PRR5L: variants seen among roughly 807,000 people sequenced by gnomAD.
The protein encoded by PRR5L is proline-rich protein 5-like.
A neutral mutation model predicts 36.4 loss-of-function variants in PRR5L; 21 were observed. That is an observed-to-expected ratio of 0.58 (90% CI 0.41 to 0.83). The LOEUF (loss-of-function observed/expected upper bound fraction) is 0.83, where lower values mean the gene tolerates loss of function less well. Among genes scored for constraint, PRR5L ranks in the 40% least tolerant of loss-of-function variants. The pLI is 0.00. For synonymous variants in PRR5L, 188 were observed against 197.0 expected (o/e 0.95, Z 0.38); for missense variants, 381 against 473.3 (o/e 0.80, Z 1.81).
chr11:36,457,198 CT>C (rs571148954), intron 8 of PRR5L, among the ~76,000 whole-genome samples: 241 of 152,378 alleles, frequency 1.6e-3, no homozygotes, highest in African/African-American at 5.5e-3. Flanking sequence ...TACCCTCTGT[CT>C]TCTCTGGTCC....
intron 1 of PRR5L, among the ~76,000 whole-genome samples, chr11:36,326,337 A>G (rs1402520034): frequency 6.8e-6 from 1 of 146,922 alleles, no homozygotes; most frequent in Non-Finnish European, 1.5e-5. Flanking sequence ...ACACACACAC[A>G]GGCAAACCAT....
chr11:36,384,716 AG>A (rs1269184478), intron 1 of PRR5L, among the ~76,000 whole-genome samples: 1 of 151,434 alleles, frequency 6.6e-6, no homozygotes, highest in East Asian at 1.9e-4. Context: ...TTTGTCACAC[AG>A]ACTGGAGTGC....
At chr11:36,448,610 A>G (rs1189146904) in intron 7 of PRR5L, among the ~76,000 whole-genome samples, 2 of 152,188 alleles carry the variant, frequency 1.3e-5, no homozygotes, top group Non-Finnish European at 2.9e-5. Context: ...AACACTGTCC[A>G]GGGAATATAG....
Position 36,389,118 on chromosome 11 carries a change from G to A in PRR5L, c.-125-11879G>A, listed in dbSNP as rs563010. ...CCAGCTCATTGTTGTTATAAAGAAG[G>A]CTGCAGTAAAAACCCATGTTACATA... On this transcript the variant is annotated intron_variant, in intron 1 of 8. Coordinates refer to ENST00000530639, the MANE Select transcript of PRR5L (RefSeq NM_001160167.2). 4.0e-3 allele frequency among the ~76,000 whole-genome samples: 607 copies of A among 152,238 alleles called. 4 individuals carry two copies. Among genetic ancestry groups the A allele is most frequent in the African/African-American group, 0.013 (543 of 41,540 alleles).
At chr11:36,376,177 T>C in intron 1 of PRR5L, 1 of 1,303,866 alleles carries the variant, frequency 7.7e-7, no homozygotes, top group Non-Finnish European at 1.0e-6. Context: ...AGGGCCCCCC[T>C]CTCCGCTCTC....
chr11:36,358,260 G>A (rs546419789), intron 1 of PRR5L, among the ~76,000 whole-genome samples: 1 of 152,200 alleles, frequency 6.6e-6, no homozygotes, highest in Non-Finnish European at 1.5e-5. Flanking sequence ...TATCTCTTGT[G>A]AAAGGAAGAG....
chr11:36,426,061 C>A (rs890432525), intron 4 of PRR5L: 1 of 152,244 alleles, frequency 6.6e-6, no homozygotes, highest in Non-Finnish European at 1.5e-5. Context: ...TGTGGATAGT[C>A]GAGAGGAAGG....
intron 1 of PRR5L, among the ~76,000 whole-genome samples, chr11:36,323,063 C>G (rs1457719017): frequency 7.2e-5 from 11 of 152,082 alleles, no homozygotes; most frequent in Admixed American, 7.2e-4. Context: ...CCATAACTGA[C>G]AGAGGAGAAA....
chr11:36,457,524 T>G (rs1488784804), intron 8 of PRR5L, among the ~76,000 whole-genome samples: 2 of 151,276 alleles, frequency 1.3e-5, no homozygotes, highest in Non-Finnish European at 2.9e-5. Context: ...GAGAATGGCG[T>G]GAACCCAGTA....
intron 1 of PRR5L, among the ~76,000 whole-genome samples, chr11:36,358,568 C>A (rs1044372264): frequency 6.6e-6 from 1 of 152,158 alleles, no homozygotes; most frequent in African/African-American, 2.4e-5. Flanking sequence ...TTTATATGCA[C>A]CAGGGAACTC....
intron 1 of PRR5L, among the ~76,000 whole-genome samples, chr11:36,368,053 G>C (rs575821043): frequency 6.6e-6 from 1 of 152,064 alleles, no homozygotes; most frequent in Non-Finnish European, 1.5e-5. Flanking sequence ...AAATGAAAAC[G>C]TCAAGGCTGA....
chr11:36,447,158 G>T (rs945490938), intron 7 of PRR5L, among the ~76,000 whole-genome samples: 8 of 152,218 alleles, frequency 5.3e-5, no homozygotes, highest in African/African-American at 1.9e-4. Flanking sequence ...ACAGGCCAAG[G>T]ACGTTAAGTG....
intron 3 of PRR5L, among the ~76,000 whole-genome samples, chr11:36,410,638 C>T (rs1858005918): frequency 1.3e-5 from 2 of 152,196 alleles, no homozygotes; most frequent in Non-Finnish European, 1.5e-5. Context: ...CGTCAGTTTC[C>T]TCCATGTTTC....
Position 36,311,609 on chromosome 11 carries a change from C to CT in PRR5L, c.-126+15179dup, listed in dbSNP as rs1274296745. On this transcript the variant is annotated intron_variant, in intron 1 of 8. Coordinates refer to ENST00000530639, the MANE Select transcript of PRR5L (RefSeq NM_001160167.2). Reference sequence around the variant, plus strand: ...TGGGGTTACCTAGTTCAAGATGTCACTTTTTTTTCTGGGCTGAGGAGAAAT... The same window carrying CT: ...TGGGGTTACCTAGTTCAAGATGTCACTTTTTTTTTCTGGGCTGAGGAGAAAT... Among the ~76,000 whole-genome samples the CT allele has an allele frequency of 9.9e-5, 15 of 152,222 alleles. No homozygotes were observed. The East Asian group carries it at 2.9e-3, about 29-fold the overall frequency.
At chr11:36,375,611 A>T (rs1183306025) in intron 1 of PRR5L, among the ~76,000 whole-genome samples, 1 of 152,344 alleles carries the variant, frequency 6.6e-6, no homozygotes, top group East Asian at 1.9e-4. Context: ...CTGCTCAACC[A>T]TAGGGTGAAA....
At chr11:36,389,481 C>T (rs570616827) in intron 1 of PRR5L, among the ~76,000 whole-genome samples, 1 of 152,274 alleles carries the variant, frequency 6.6e-6, no homozygotes, top group South Asian at 2.1e-4. Flanking sequence ...ATTTGACAGA[C>T]AAGGACACTG....
At chr11:36,323,407 TTCA>T (rs1485547748) in intron 1 of PRR5L, 3 of 152,228 alleles carry the variant, frequency 2.0e-5, no homozygotes, top group Non-Finnish European at 2.9e-5. Context: ...TCAACTTGGG[TTCA>T]TCGTCTCTGC....
chr11:36,382,243 C>T (rs974977285), intron 1 of PRR5L, among the ~76,000 whole-genome samples: 2 of 152,264 alleles, frequency 1.3e-5, no homozygotes, highest in African/African-American at 2.4e-5. Flanking sequence ...TTGGTCCTAA[C>T]GGGCATCATG....
At chr11:36,327,850 CT>C (rs1357951266) in intron 1 of PRR5L, among the ~76,000 whole-genome samples, 1 of 152,176 alleles carries the variant, frequency 6.6e-6, no homozygotes, top group Non-Finnish European at 1.5e-5. Flanking sequence ...TCGGCACCCC[CT>C]GTCCCAACTT....
Sources: gnomAD v4.1 joint callset for allele counts (sites outside exome capture counted in the v4.1 genomes callset) on GRCh38, gnomAD v4.1.1 for gene constraint, MANE v1.5 for transcripts, NCBI Gene and HGNC (gene_info 2026-07-23, HGNC 2026-07-21) for gene names.